The following ABL2 variants were observed in gnomAD, a reference collection of about 807,000 sequenced individuals.
The protein encoded by ABL2 is ABL proto-oncogene 2, non-receptor tyrosine kinase, also known as tyrosine-protein kinase ABL2.
ABL2 carries 49 observed loss-of-function variants against 107.7 expected under a neutral mutation model. That is an observed-to-expected ratio of 0.45 (90% CI 0.36 to 0.58). ABL2 has a LOEUF of 0.58. ABL2 is among the 20% of genes least tolerant of loss of function. The pLI is 0.00. For missense variants in ABL2, 1,245 were observed against 1,457.0 expected (o/e 0.85, Z 2.37); for synonymous variants, 549 against 548.6 (o/e 1.00, Z -0.01).
intron 1 of ABL2, among the ~76,000 whole-genome samples, chr1:179,149,384 C>T (rs964403688): frequency 1.3e-5 from 2 of 152,204 alleles, no homozygotes; most frequent in African/African-American, 4.8e-5. Flanking sequence ...CATAAAAGTA[C>T]AAGGTGAAGC....
chr1:179,186,012 G>A (rs1034594565), intron 1 of ABL2, among the ~76,000 whole-genome samples: 3 of 152,120 alleles, frequency 2.0e-5, no homozygotes, highest in East Asian at 1.9e-4. Flanking sequence ...TGGGAGGCCC[G>A]GGCGGGGAGA....
Position 179,102,977 on chromosome 1 carries a change from G to A in ABL2, c.*4741C>T, listed in dbSNP as rs144208966. ...ACCTAACAAAACTATGCAGGACATA[G>A]GTTAAAAAAGACACTGTCAACATCA... On this transcript the variant is annotated 3_prime_UTR_variant, in exon 12 of 12. Transcript: ENST00000502732. The A allele has an allele frequency of 4.4e-6, 1 of 225,236 alleles. No homozygotes were observed. Among genetic ancestry groups the A allele is most frequent in the East Asian group, 6.4e-5 (1 of 15,532 alleles). The allele number at this position is 225,236 out of a possible 1,614,324, so 14.0% of individuals were successfully genotyped here. A position where few individuals can be genotyped will look rare whatever the true frequency, so the allele number is the denominator to read the frequency against.
chr1:179,123,903 T>A (rs1221601713), intron 4 of ABL2, among the ~76,000 whole-genome samples: 1 of 152,116 alleles, frequency 6.6e-6, no homozygotes, highest in East Asian at 2.0e-4. Flanking sequence ...AGTGTTGGGA[T>A]TACAGGCATA....
intron 9 of ABL2, among the ~76,000 whole-genome samples, chr1:179,113,064 C>T (rs1356687159): frequency 2.0e-5 from 3 of 152,062 alleles, no homozygotes; most frequent in Non-Finnish European, 2.9e-5. Context: ...AAAGTGAGCA[C>T]ACACAGCGAT....
Position 179,100,009 on chromosome 1 carries a change from C to T in ABL2, c.*7709G>A, listed in dbSNP as rs957458966. 1 of 232,566 alleles carries T rather than the reference C, an allele frequency of 4.3e-6. No individual in the cohort carries two copies. Among genetic ancestry groups the T allele is most frequent in the Non-Finnish European group, 8.5e-6 (1 of 117,604 alleles). 14.4% of individuals were successfully genotyped at this position (232,566 alleles called of 1,614,324 possible). On this transcript the variant is annotated 3_prime_UTR_variant, in exon 12 of 12. Coordinates refer to ENST00000502732, the MANE Select transcript of ABL2 (RefSeq NM_007314.4). The stretch of plus-strand genomic sequence containing the variant: ...ACTCCCCCTTTCTTAATGGGCACGA[C>T]AGCAATGCACGTGTATTTATGGACA...
intron 1 of ABL2, among the ~76,000 whole-genome samples, chr1:179,218,897 T>C (rs754723052): frequency 2.6e-5 from 4 of 152,234 alleles, no homozygotes; most frequent in African/African-American, 7.2e-5. Flanking sequence ...CTGTTCTATA[T>C]GATTTGAAGT....
At chr1:179,181,502 G>A (rs1029035217) in intron 1 of ABL2, among the ~76,000 whole-genome samples, 2 of 152,080 alleles carry the variant, frequency 1.3e-5, no homozygotes, top group African/African-American at 4.8e-5. Flanking sequence ...CAACCTCGCT[G>A]AGCTTCAGTT....
At chr1:179,116,516 T>C (rs578178318) in intron 8 of ABL2, among the ~76,000 whole-genome samples, 36 of 151,658 alleles carry the variant, frequency 2.4e-4, no homozygotes, top group Non-Finnish European at 5.0e-4. Flanking sequence ...TCTTTCTTTT[T>C]TTTTTTTGTT....
intron 1 of ABL2, among the ~76,000 whole-genome samples, chr1:179,209,460 T>C (rs1167521333): frequency 6.6e-6 from 1 of 152,200 alleles, no homozygotes; most frequent in East Asian, 1.9e-4. Context: ...TTAAATAAAT[T>C]TGTATGTTCT....
chr1:179,173,704 C>G (rs1340844293), intron 1 of ABL2, among the ~76,000 whole-genome samples: 1 of 152,044 alleles, frequency 6.6e-6, no homozygotes, highest in East Asian at 1.9e-4. Context: ...CCAAACAATA[C>G]CAAGCTAATT....
chr1:179,184,473 G>T, intron 1 of ABL2: 2 of 892,472 alleles, frequency 2.2e-6, no homozygotes, highest in Non-Finnish European at 1.8e-6. Flanking sequence ...TGATGCAGGT[G>T]CTCATATGTT....
intron 1 of ABL2, among the ~76,000 whole-genome samples, chr1:179,160,100 T>C (rs1658971541): frequency 6.6e-6 from 1 of 152,070 alleles, no homozygotes; most frequent in Non-Finnish European, 1.5e-5. Context: ...GGTGACAGAG[T>C]GAGACTCCAC....
chr1:179,122,822 T>C (rs569393942), intron 4 of ABL2, among the ~76,000 whole-genome samples: 11 of 151,976 alleles, frequency 7.2e-5, no homozygotes, highest in African/African-American at 2.4e-4. Flanking sequence ...CCTGGCTAAT[T>C]TTTTTCTTTG....
At chr1:179,121,361 T>C (rs1655177723) in intron 5 of ABL2, among the ~76,000 whole-genome samples, 1 of 151,978 alleles carries the variant, frequency 6.6e-6, no homozygotes, top group African/African-American at 2.4e-5. Context: ...AAGATCTACA[T>C]CAACAGCCTC....
intron 3 of ABL2, among the ~76,000 whole-genome samples, chr1:179,128,670 G>A (rs1312528315): frequency 2.0e-5 from 3 of 152,114 alleles, no homozygotes; most frequent in Non-Finnish European, 4.4e-5. Context: ...CAAACTGGCA[G>A]AGCAACCCTA....
At chr1:179,139,637 C>T (rs1281885041) in intron 1 of ABL2, among the ~76,000 whole-genome samples, 1 of 152,118 alleles carries the variant, frequency 6.6e-6, no homozygotes, top group Non-Finnish European at 1.5e-5. Flanking sequence ...ACTTCATGAC[C>T]ACCATCATCT....
chr1:179,117,599 A>ATAGGCAGAGTTAAGT, intron 7 of ABL2, 83 bp from the exon 8 acceptor site: 2 of 1,433,428 alleles, frequency 1.4e-6, no homozygotes, highest in South Asian at 2.5e-5. Context: ...GTTTTGTGTT[A>ATAGGCAGAGTTAAGT]TAGGCAGAGT....
intron 1 of ABL2, among the ~76,000 whole-genome samples, chr1:179,151,254 T>G (rs891531913): frequency 6.6e-6 from 1 of 152,172 alleles, no homozygotes; most frequent in African/African-American, 2.4e-5. Context: ...CAAGATGGCG[T>G]TTTAATCAGA....
rs1445535745 is a variant in ABL2 at position 179,176,850 on chromosome 1, C to G, written c.158-43476G>C. The stretch of plus-strand genomic sequence containing the variant: ...AGCTGGGATTACAGGTGCCCGCCAC[C>G]ATGCTTGGCTAATTTTTGTATTTTT... On this transcript the variant is annotated intron_variant, in intron 1 of 11. Coordinates refer to ENST00000502732, the MANE Select transcript of ABL2 (RefSeq NM_007314.4). 3.3e-5 allele frequency among the ~76,000 whole-genome samples: 5 copies of G among 151,912 alleles called. No homozygotes were observed. The East Asian group carries it at 7.7e-4, about 23-fold the overall frequency.
Sources: gnomAD v4.1 joint callset for allele counts (sites outside exome capture counted in the v4.1 genomes callset) on GRCh38, gnomAD v4.1.1 for gene constraint, MANE v1.5 for transcripts, NCBI Gene and HGNC (gene_info 2026-07-23, HGNC 2026-07-21) for gene names.